The following ANKRD30A variants were observed in gnomAD, a reference collection of about 807,000 sequenced individuals.
ANKRD30A encodes the protein ankyrin repeat domain-containing protein 30A.
ANKRD30A carries 170 observed loss-of-function variants against 166.3 expected under a neutral mutation model. The observed-to-expected ratio is 1.02, with a 90% CI of 0.90 to 1.16. ANKRD30A has a LOEUF of 1.16. Ranked by LOEUF, ANKRD30A falls within the 50% of genes most tolerant of loss-of-function variation. The pLI is 0.00. For synonymous variants in ANKRD30A, 564 were observed against 508.9 expected (o/e 1.11, Z -1.46); for missense variants, 1,630 against 1,518.0 (o/e 1.07, Z -1.23).
intron 6 of ANKRD30A, among the ~76,000 whole-genome samples, chr10:37,138,340 C>T (rs557541907): frequency 5.3e-5 from 8 of 152,224 alleles, no homozygotes; most frequent in East Asian, 3.9e-4. Context: ...TCCAAAGGAA[C>T]GCAGCTCCTC....
intron 1 of ANKRD30A, among the ~76,000 whole-genome samples, chr10:37,128,582 CTTTA>C (rs1469998167): frequency 6.6e-6 from 1 of 151,878 alleles, no homozygotes; most frequent in Non-Finnish European, 1.5e-5. Context: ...AATATAAGTG[CTTTA>C]TTTATAGCAG....
chr10:37,202,894 T>C (rs1841737167), intron 31 of ANKRD30A, among the ~76,000 whole-genome samples: 1 of 151,848 alleles, frequency 6.6e-6, no homozygotes, highest in African/African-American at 2.4e-5. Context: ...CTAGAAAAAA[T>C]GGATAAATTC....
intron 18 of ANKRD30A, among the ~76,000 whole-genome samples, chr10:37,166,057 A>G (rs535963747): frequency 2.8e-4 from 42 of 152,246 alleles, no homozygotes; most frequent in African/African-American, 9.9e-4. Context: ...TGTCAGAAAC[A>G]TGTTGCTTAT....
intron 30 of ANKRD30A, among the ~76,000 whole-genome samples, chr10:37,200,225 G>A (rs1287936134): frequency 6.6e-6 from 1 of 152,048 alleles, no homozygotes; most frequent in African/African-American, 2.4e-5. Flanking sequence ...TAATGCCTGG[G>A]ACTTGAACGT....
the ANKRD30A span, among the ~76,000 whole-genome samples, chr10:37,264,076 AT>A: frequency 4.6e-5 from 7 of 152,114 alleles, no homozygotes; most frequent in Non-Finnish European, 1.0e-4. Context: ...TCCATTTCAG[AT>A]TTTTTTTAAA....
chr10:37,243,880 G>T, the ANKRD30A span, among the ~76,000 whole-genome samples: 1 of 151,404 alleles, frequency 6.6e-6, no homozygotes, highest in Non-Finnish European at 1.5e-5. Context: ...TTGTAGTGGT[G>T]GTGGGTTCCA....
intron 32 of ANKRD30A, 28 bp downstream of exon 32, chr10:37,216,422 T>C: frequency 6.4e-7 from 1 of 1,551,824 alleles, no homozygotes; most frequent in Non-Finnish European, 8.7e-7. Flanking sequence ...TAAATAAATA[T>C]TTCAGCTATT....
chr10:37,132,495 G>A, intron 4 of ANKRD30A, 149 bp downstream of exon 4: 1 of 489,382 alleles, frequency 2.0e-6, no homozygotes, highest in South Asian at 4.3e-5. Context: ...GCAATTATTT[G>A]GACTGGTCAA....
chr10:37,213,240 C>A (rs529396209), intron 31 of ANKRD30A, among the ~76,000 whole-genome samples: 14 of 151,964 alleles, frequency 9.2e-5, no homozygotes, highest in African/African-American at 3.1e-4. Context: ...AGTTCAAGAT[C>A]AAGGTATCAT....
At chr10:37,132,842 A>G (rs1473323681) in intron 4 of ANKRD30A, among the ~76,000 whole-genome samples, 2 of 152,164 alleles carry the variant, frequency 1.3e-5, no homozygotes, top group Admixed American at 6.5e-5. Flanking sequence ...TACTAAAAAT[A>G]CAAAAATTAG....
chr10:37,167,520 C>T (rs1241662001), intron 19 of ANKRD30A, among the ~76,000 whole-genome samples: 4 of 151,290 alleles, frequency 2.6e-5, no homozygotes, highest in Middle Eastern at 3.2e-3. Flanking sequence ...TGTTGTTATT[C>T]GTAGGTATTT....
rs144406005 is a variant in ANKRD30A, at chr10:37,132,698, T to C, written c.617+352T>C. Among the ~76,000 whole-genome samples, 360 of 152,312 alleles carry C rather than the reference T, an allele frequency of 2.4e-3. 1 individual carries two copies. The highest frequency in any genetic ancestry group is 8.0e-3 in the African/African-American group (334 of 41,552). On this transcript the variant is annotated intron_variant, in intron 4 of 35. Transcript: ENST00000361713. ...TCTAACCTCTGTTTTTTATACACTT[T>C]TTAAAAAATGCAATATTTGCTGGGC...
chr10:37,126,010 T>C lies in ANKRD30A; in HGVS notation c.221+2T>C. ...TAATATACAAGACGCCCAGAAGAGG[T>C]ACCAGGCCCTGCCTGAGCCGGGGCT... On this transcript the variant is annotated splice_donor_variant, in intron 1 of 35. Coordinates refer to ENST00000361713, the MANE Select transcript of ANKRD30A (RefSeq NM_052997.3). LOFTEE classifies it high-confidence loss of function. 6.2e-7 allele frequency: 1 copy of C among 1,603,822 alleles called. No homozygotes were observed. Among genetic ancestry groups the C allele is most frequent in the Non-Finnish European group, 8.5e-7 (1 of 1,175,564 alleles).
intron 32 of ANKRD30A, among the ~76,000 whole-genome samples, chr10:37,217,040 A>G (rs892227552): frequency 5.3e-5 from 8 of 151,068 alleles, no homozygotes; most frequent in Non-Finnish European, 8.9e-5. Context: ...AAAAATGCAT[A>G]CTATTTTTAT....
At chr10:37,161,097 C>CA (rs772442691) in intron 15 of ANKRD30A, among the ~76,000 whole-genome samples, 15 of 152,104 alleles carry the variant, frequency 9.9e-5, no homozygotes, top group South Asian at 2.1e-4. Flanking sequence ...ACTAAAAATA[C>CA]AAAAAAATTA....
intron 21 of ANKRD30A, among the ~76,000 whole-genome samples, chr10:37,173,051 TA>T (rs1278490230): frequency 6.6e-6 from 1 of 152,202 alleles, no homozygotes; most frequent in Non-Finnish European, 1.5e-5. Flanking sequence ...TCTATTGCAA[TA>T]AATTTTTATA....
chr10:37,201,816 G>A (rs1841644192), intron 31 of ANKRD30A, among the ~76,000 whole-genome samples: 1 of 152,040 alleles, frequency 6.6e-6, no homozygotes, highest in South Asian at 2.1e-4. Context: ...CTGGTGGGAA[G>A]CCATTAGGGA....
chr10:37,264,113 C>T, the ANKRD30A span, among the ~76,000 whole-genome samples: 1 of 152,020 alleles, frequency 6.6e-6, no homozygotes, highest in Non-Finnish European at 1.5e-5. Flanking sequence ...TTGAACAGAA[C>T]AATTGAAGTC....
intron 8 of ANKRD30A, among the ~76,000 whole-genome samples, chr10:37,146,456 C>T (rs1588782922): frequency 1.3e-5 from 2 of 150,196 alleles, no homozygotes; most frequent in Non-Finnish European, 3.0e-5. Context: ...TTTGCGGCAG[C>T]GCTCCTCTGG....
Sources: allele counts gnomAD v4.1 joint callset (sites outside exome capture counted in the v4.1 genomes callset), GRCh38; gene constraint gnomAD v4.1.1; transcripts MANE v1.5; gene names NCBI Gene and HGNC (gene_info 2026-07-23, HGNC 2026-07-21).